Variants in KPNB1 observed in about 807,000 individuals in gnomAD.
KPNB1 encodes the protein karyopherin subunit beta 1, also known as importin subunit beta-1.
A neutral mutation model predicts 113.0 loss-of-function variants in KPNB1; 7 were observed. The observed-to-expected ratio is 0.06, with a 90% confidence interval of 0.04 to 0.12. KPNB1 has a LOEUF of 0.12. Among genes scored for constraint, KPNB1 ranks in the 10% least tolerant of loss-of-function variants. The pLI, the probability that KPNB1 is intolerant of heterozygous loss-of-function variation, is 1.00. For synonymous variants in KPNB1, 363 were observed against 378.6 expected, an observed-to-expected ratio of 0.96 and a Z score of 0.48; for missense variants, 400 against 1,054.8, an observed-to-expected ratio of 0.38 and a Z score of 8.60.
chr17:47,670,651 C>T (rs758076034), intron 11 of KPNB1, 51 bp from the exon 12 acceptor site: 9 of 1,534,816 alleles, frequency 5.9e-6, no homozygotes, highest in Middle Eastern at 1.8e-4. Flanking sequence ...TGAGATAATC[C>T]TAAGGTGTGG....
chr17:47,682,408 G>C lies in KPNB1; in HGVS notation c.*4G>C. On this transcript the variant is annotated 3_prime_UTR_variant, in exon 22 of 22. Coordinates refer to ENST00000290158, the MANE Select transcript of KPNB1 (RefSeq NM_002265.6). ...TTTTTTTCCATCTGTTTTCAGATCT[G>C]TTACCATTGGGATGATAACCTGAGG... The C allele has an allele frequency of 1.3e-6, 1 of 780,744 alleles. No homozygotes were observed. 48.4% of individuals were successfully genotyped at this position (780,744 alleles called of 1,614,324 possible).
chr17:47,656,624 C>T (rs989512776), intron 3 of KPNB1, among the ~76,000 whole-genome samples: 6 of 151,952 alleles, frequency 3.9e-5, no homozygotes, highest in African/African-American at 1.5e-4. Context: ...ATATCCACCC[C>T]TGTAGTTCAG....
intron 7 of KPNB1, 62 bp from the exon 8 acceptor site, chr17:47,664,097 T>A: frequency 1.0e-6 from 1 of 977,822 alleles, no homozygotes; most frequent in South Asian, 1.4e-5. Flanking sequence ...TAAAGCCGGG[T>A]TGGGGCAGGG....
chr17:47,658,245 C>T (rs56161410), intron 4 of KPNB1, among the ~76,000 whole-genome samples: 143 of 152,228 alleles, frequency 9.4e-4, no homozygotes, highest in South Asian at 2.5e-3. Context: ...TATGCACATC[C>T]TCCCATATAC....
intron 1 of KPNB1, 31 bp from the exon 2 acceptor site, chr17:47,650,355 C>T (rs200386967): frequency 3.7e-6 from 6 of 1,610,872 alleles, no homozygotes; most frequent in Admixed American, 1.7e-5. Context: ...CCCCTCTGAC[C>T]CCGCTCCGTC....
At chr17:47,656,836 C>A in intron 3 of KPNB1, 24 bp from the exon 4 acceptor site, 2 of 1,569,494 alleles carry the variant, frequency 1.3e-6, no homozygotes, top group Non-Finnish European at 1.7e-6. Context: ...AAATTTGTAT[C>A]TTTTGTCTTT....
chr17:47,651,229 C>T (rs535127953), intron 2 of KPNB1: 30 of 985,148 alleles, frequency 3.0e-5, no homozygotes, highest in South Asian at 4.7e-5. Context: ...AAGCTAAGTC[C>T]GCTAGAGACT....
intron 6 of KPNB1, among the ~76,000 whole-genome samples, chr17:47,661,783 A>G (rs1274259799): frequency 6.6e-6 from 1 of 152,164 alleles, no homozygotes; most frequent in Non-Finnish European, 1.5e-5. Flanking sequence ...CACCATCTCT[A>G]CTAAAAAATA....
At chr17:47,678,868 A>G (rs1308731305) in intron 19 of KPNB1, among the ~76,000 whole-genome samples, 1 of 152,194 alleles carries the variant, frequency 6.6e-6, no homozygotes. Context: ...TTGGTCTCCC[A>G]AAGTGCTGGG....
intron 6 of KPNB1, among the ~76,000 whole-genome samples, chr17:47,662,826 T>C (rs1203292392): frequency 6.6e-6 from 1 of 152,010 alleles, no homozygotes; most frequent in Non-Finnish European, 1.5e-5. Context: ...GAGGTTGCAG[T>C]GAGCCAAGAT....
intron 21 of KPNB1, 44 bp from the exon 22 acceptor site, chr17:47,682,360 A>T (rs903263221): frequency 1.3e-6 from 1 of 780,932 alleles, no homozygotes; most frequent in South Asian, 1.3e-5. Flanking sequence ...TCTGTTGGGT[A>T]TATGTGATCT....
At chr17:47,678,630 C>T (rs1187631101) in intron 19 of KPNB1, 3 of 505,290 alleles carry the variant, frequency 5.9e-6, no homozygotes, top group Non-Finnish European at 1.1e-5. Context: ...TGTTTTGAGA[C>T]GGAGTCTCAC....
chr17:47,658,681 G>T (rs202194651), intron 5 of KPNB1, 21 bp downstream of exon 5: 2 of 1,604,504 alleles, frequency 1.2e-6, no homozygotes, highest in African/African-American at 1.3e-5. Flanking sequence ...TGACAATAAG[G>T]TATAGATTCA....
Position 47,666,545 on chromosome 17 carries a change from A to G in KPNB1, c.999+1387A>G, listed in dbSNP as rs868472193. ...ATATGTATTATGTTATATATTATAT[A>G]TTATATATTATGTTATATGTTATAT... On this transcript the variant is annotated intron_variant, in intron 9 of 21. Coordinates refer to ENST00000290158, the MANE Select transcript of KPNB1 (RefSeq NM_002265.6). Among the ~76,000 whole-genome samples, 60 of 125,780 alleles carry G rather than the reference A, an allele frequency of 4.8e-4. No homozygotes were observed. The South Asian group carries it at 0.014, about 29-fold the overall frequency. The allele number at this position is 125,780 out of a possible 152,430, so 82.5% of individuals were successfully genotyped here.
chr17:47,678,203 T>G lies in KPNB1; in HGVS notation c.2247+14T>G. On this transcript the variant is annotated intron_variant, in intron 18 of 21. Transcript: ENST00000290158. Reference sequence around the variant, plus strand: ...CAGGTGGACAAGGTAAGCTTAAAGCTATCTTGGCTGTTCTTTAAGTCTAGC... The same window carrying G: ...CAGGTGGACAAGGTAAGCTTAAAGCGATCTTGGCTGTTCTTTAAGTCTAGC... 1 of 1,614,020 alleles carries G rather than the reference T, an allele frequency of 6.2e-7. No homozygotes were observed. The highest frequency in any genetic ancestry group is 1.7e-5 in the Admixed American group (1 of 60,018).
At chr17:47,651,449 C>A in intron 2 of KPNB1, 1 of 638,742 alleles carries the variant, frequency 1.6e-6, no homozygotes, top group Non-Finnish European at 1.9e-6. Flanking sequence ...ATGTCAACAT[C>A]AACAAAGTGA....
At chr17:47,667,468 C>G (rs1027822254) in intron 9 of KPNB1, among the ~76,000 whole-genome samples, 2 of 151,674 alleles carry the variant, frequency 1.3e-5, no homozygotes, top group African/African-American at 4.8e-5. Context: ...TGTCTTCTTC[C>G]CAGTCATGAA....
intron 15 of KPNB1, among the ~76,000 whole-genome samples, chr17:47,675,372 G>GTTTTTTTTTTTT (rs755565036): frequency 3.5e-5 from 3 of 86,094 alleles, no homozygotes; most frequent in South Asian, 3.9e-4. Context: ...TTTTTTTTTT[G>GTTTTTTTTTTTT]TTTTTTTTTT....
rs375423595 is a variant in KPNB1 at position 47,682,572 on chromosome 17, C to T, written c.*168C>T. On this transcript the variant is annotated 3_prime_UTR_variant, in exon 22 of 22. Transcript: ENST00000290158. ...TTGAAAATCCTGCCACAGCAGCAGCCGCAGCCGCCAACAGCAGCGCTGTTA... is the reference window on the plus strand; with the variant it reads ...TTGAAAATCCTGCCACAGCAGCAGCTGCAGCCGCCAACAGCAGCGCTGTTA... 7.6e-5 allele frequency: 49 copies of T among 644,020 alleles called. No individual in the cohort carries two copies. The highest frequency in any genetic ancestry group is 3.2e-4 in the East Asian group (12 of 37,464). 39.9% of individuals were successfully genotyped at this position (644,020 alleles called of 1,614,324 possible).
Sources: gnomAD v4.1 joint callset for allele counts (sites outside exome capture counted in the v4.1 genomes callset) on GRCh38, gnomAD v4.1.1 for gene constraint, MANE v1.5 for transcripts, NCBI Gene and HGNC (gene_info 2026-07-23, HGNC 2026-07-21) for gene names.